The following JPH4 variants were observed in gnomAD, a reference collection of about 807,000 sequenced individuals.
JPH4 encodes the protein junctophilin-4.
JPH4 carries 18 observed loss-of-function variants against 57.6 expected under a neutral mutation model. The observed-to-expected ratio is 0.31, with a 90% CI of 0.22 to 0.46. The LOEUF is 0.46. Ranked by LOEUF, JPH4 falls within the 20% of genes least tolerant of loss-of-function variation. The pLI is 1.00. For synonymous variants in JPH4, 425 were observed against 406.6 expected, an observed-to-expected ratio of 1.05 and a Z score of -0.54; for missense variants, 727 against 911.1, an observed-to-expected ratio of 0.80 and a Z score of 2.60.
intron 3 of JPH4, chr14:23,572,840 G>A (rs1445963979): frequency 2.8e-6 from 2 of 702,236 alleles, no homozygotes; most frequent in Admixed American, 2.0e-5. Flanking sequence ...CACCTTCCCT[G>A]CTCCTTAGGT....
chr14:23,576,483 A>G lies in JPH4; in HGVS notation c.380-27T>C. 7.2e-7 allele frequency: 1 copy of G among 1,389,438 alleles called. No homozygotes were observed. Among genetic ancestry groups the G allele is most frequent in the Non-Finnish European group, 9.3e-7 (1 of 1,080,690 alleles). The allele number at this position is 1,389,438 out of a possible 1,614,324, so 86.1% of individuals were successfully genotyped here. On this transcript the variant is annotated intron_variant, in intron 2 of 5. Transcript: ENST00000356300. The surrounding 1 kb of genome is among the most constrained non-coding windows in gnomAD (Gnocchi z 8.0). ...TGCGGGCGGCGGAGGGGTGGGAGAA[A>G]GAGTCAGGACGTGCCGCTGGGCTCC...
chr14:23,569,624 G>C lies in JPH4; in HGVS notation c.*10C>G, dbSNP rs1263297165. On this transcript the variant is annotated 3_prime_UTR_variant, in exon 6 of 6. Transcript: ENST00000356300. This position sits in a 1 kb window ranked among gnomAD's most constrained non-coding sequence, Gnocchi z 4.8. ...CGCAACCAAAGCCAGAACCAGGCCA[G>C]GAAGTAGCCTCAGGTGAGGAGCTGG... The C allele has an allele frequency of 5.8e-6, 9 of 1,550,098 alleles. No individual in the cohort carries two copies. In the African/African-American group the frequency reaches 6.8e-5, roughly 12 times the overall value.
At position 23,571,143 on chromosome 14, in the gene JPH4, G is replaced by C; in HGVS notation, c.1588C>G (p.Pro530Ala). The change falls in exon 5 of 6, where the codon CCA becomes GCA. Residue 530 changes from proline (P) to alanine (A), a missense_variant. Physicochemically the swap from Pro to Ala is conservative, Grantham distance 27. Around this residue, in one of 7 missense-constraint regions of JPH4, gnomAD observed 293 missense variants for 279.8 expected, o/e 1.05. Transcript: ENST00000356300. The surrounding 1 kb of genome is among the most constrained non-coding windows in gnomAD (Gnocchi z 4.6). ...MQGPGPRDGS[P>A]LLGGCSDSSG... ...CTGTCGCTGCAGCCTCCGAGGAGTG[G>C]GGAACCGTCTCTGGGCCCTGGCCCT... The C allele has an allele frequency of 6.8e-6, 11 of 1,614,104 alleles. No homozygotes were observed. Among genetic ancestry groups the C allele is most frequent in the Non-Finnish European group, 9.3e-6 (11 of 1,180,004 alleles).
In JPH4 at chr14:23,571,807, G is replaced by A; in HGVS notation, c.1265C>T (p.Ala422Val). Residue 422 changes from alanine (A) to valine (V), a missense_variant, in exon 4 of 6, where the codon GCC becomes GTC. Physicochemically the swap from Ala to Val is moderately conservative, Grantham distance 64 (BLOSUM62 0). Transcript: ENST00000356300. This position sits in a 1 kb window ranked among gnomAD's most constrained non-coding sequence, Gnocchi z 4.6. ...IAQDLQPMLE[A>V]PGRRPRQDSE... ...CCCAGCTGTCCATGCCTCACCTGGG[G>A]CCTCTAGCATGGGCTGCAGGTCCTG... 9 of 1,612,070 alleles carry A rather than the reference G, an allele frequency of 5.6e-6. No homozygotes were observed. The highest frequency in any genetic ancestry group is 7.6e-6 in the Non-Finnish European group (9 of 1,179,618).
intron 3 of JPH4, among the ~76,000 whole-genome samples, chr14:23,572,671 C>A (rs1171468822): frequency 1.3e-5 from 2 of 152,136 alleles, no homozygotes; most frequent in Admixed American, 1.3e-4. Context: ...CCCCACTGCC[C>A]CCCGTCATGC....
In JPH4 at chr14:23,576,360, CG is replaced by C; in HGVS notation, c.475del (p.Arg159AlafsTer90). ...YHQAALLRSP[R>X]RTSLDSGHSD... ...GTGGCCGGAATCCAGGGAGGTGCGG[CG>C]GGGCGAGCGCAGCAGCGCCGCCTGA... On this transcript the variant is annotated frameshift_variant, in exon 3 of 6. Coordinates refer to ENST00000356300, the MANE Select transcript of JPH4 (RefSeq NM_001146028.2). LOFTEE classifies it high-confidence loss of function. The surrounding 1 kb of genome is among the most constrained non-coding windows in gnomAD (Gnocchi z 8.0). The C allele has an allele frequency of 1.5e-6, 2 of 1,335,126 alleles. No individual in the cohort carries two copies. Among genetic ancestry groups the C allele is most frequent in the Non-Finnish European group, 1.9e-6 (2 of 1,047,104 alleles). The allele number at this position is 1,335,126 out of a possible 1,614,324, so 82.7% of individuals were successfully genotyped here.
Position 23,575,801 on chromosome 14 carries a change from A to G in JPH4, c.1035T>C (p.Ser345=), listed in dbSNP as rs752221836. The G allele has an allele frequency of 1.7e-5, 27 of 1,586,666 alleles. No individual in the cohort carries two copies. In the Admixed American group the frequency reaches 1.8e-4, roughly 10 times the overall value. Residue 345 remains serine, a synonymous_variant, in exon 3 of 6, where the codon AGT becomes AGC. Coordinates refer to ENST00000356300, the MANE Select transcript of JPH4 (RefSeq NM_001146028.2). The surrounding 1 kb of genome is among the most constrained non-coding windows in gnomAD (Gnocchi z 6.9). Reference sequence around the variant, plus strand: ...CCCGCCGAAGGGCCAGAGGCAGGAGACTGCGGACGCGCCCGCCGTGCACCA... The same window carrying G: ...CCCGCCGAAGGGCCAGAGGCAGGAGGCTGCGGACGCGCCCGCCGTGCACCA... ...NRLVHGGRVR[S]LLPLALRRGK...
intron 1 of JPH4, 101 bp downstream of exon 1, chr14:23,578,074 TTTTTC>T (rs1889320593): frequency 1.1e-5 from 1 of 93,816 alleles, no homozygotes; most frequent in African/African-American, 4.0e-5. Context: ...TTTCGGGGGG[TTTTTC>T]GGGGGGTTTT....
chr14:23,577,282 C>G lies in JPH4; in HGVS notation c.172G>C (p.Gly58Arg). 1 of 1,536,634 alleles carries G rather than the reference C, an allele frequency of 6.5e-7. No individual in the cohort carries two copies. The change falls in exon 2 of 6, where the codon GGA becomes CGA. Residue 58 changes from glycine to arginine, a missense_variant. Around this residue, in one of 7 missense-constraint regions of JPH4, gnomAD observed 83 missense variants for 135.4 expected, o/e 0.61. Transcript: ENST00000356300. The surrounding 1 kb of genome is among the most constrained non-coding windows in gnomAD (Gnocchi z 8.4). The part of the protein sequence containing the change: ...ESLGVFTGPG[G>R]HSYQGHWQQG... ...TGCCAGTGGCCCTGGTAGCTGTGTC[C>G]GCCGGGCCCCGTGAAGACGCCCAGT...
rs1045445027 is a variant in JPH4 at position 23,575,780 on chromosome 14, C to T, written c.1056G>A (p.Arg352=). ...CCACCTTCTCCTTAACCTTGCCCCG[C>T]CGAAGGGCCAGAGGCAGGAGACTGC... is the stretch of plus-strand genomic sequence containing the variant. ...RVRSLLPLAL[R]RGKVKEKVDR... The change falls in exon 3 of 6, where the codon CGG becomes CGA. Residue 352 remains arginine, a synonymous_variant. Coordinates refer to ENST00000356300, the MANE Select transcript of JPH4 (RefSeq NM_001146028.2). The surrounding 1 kb of genome is among the most constrained non-coding windows in gnomAD (Gnocchi z 6.9). 3.1e-6 allele frequency: 5 copies of T among 1,597,124 alleles called. No individual in the cohort carries two copies. The highest frequency in any genetic ancestry group is 4.3e-6 in the Non-Finnish European group (5 of 1,173,476).
rs1316048235 is a variant in JPH4 at position 23,576,053 on chromosome 14, C to T, written c.783G>A (p.Glu261=). ...EVGSTGPPGS[E]ASGPPAAAPP... is the part of the protein sequence containing the mutation. Reference sequence around the variant, plus strand: ...GCGCTGCGGCCGGGGGCCCGCTGGCCTCCGAGCCGGGCGGTCCGGTGCTGC... The same window carrying T: ...GCGCTGCGGCCGGGGGCCCGCTGGCTTCCGAGCCGGGCGGTCCGGTGCTGC... The change falls in exon 3 of 6, where the codon GAG becomes GAA. Residue 261 remains glutamate (E), a synonymous_variant. Coordinates refer to ENST00000356300, the MANE Select transcript of JPH4 (RefSeq NM_001146028.2). This position sits in a 1 kb window ranked among gnomAD's most constrained non-coding sequence, Gnocchi z 8.0. The T allele has an allele frequency of 1.5e-6, 2 of 1,319,214 alleles. No homozygotes were observed. Among genetic ancestry groups the T allele is most frequent in the Admixed American group, 4.2e-5 (1 of 24,020 alleles). The allele number at this position is 1,319,214 out of a possible 1,614,324, so 81.7% of individuals were successfully genotyped here.
rs1889249347 is a variant in JPH4, at chr14:23,575,555, C to T, written c.1151+130G>A. 8.1e-7 allele frequency: 1 copy of T among 1,234,238 alleles called. No individual in the cohort carries two copies. Among genetic ancestry groups the T allele is most frequent in the African/African-American group, 1.5e-5 (1 of 66,158 alleles). 76.5% of individuals were successfully genotyped at this position (1,234,238 alleles called of 1,614,324 possible). On this transcript the variant is annotated intron_variant, in intron 3 of 5. Transcript: ENST00000356300. This position sits in a 1 kb window ranked among gnomAD's most constrained non-coding sequence, Gnocchi z 6.9. The stretch of plus-strand genomic sequence containing the variant: ...CAAGAATGCCCAGGGGTCCAACTGC[C>T]TGGCCTTAGGCTTGCAATAGCAGGC...
rs1336346439 is a variant in JPH4 at position 23,569,508 on chromosome 14, AAAAG to A, written c.*122_*125del. The A allele has an allele frequency of 9.9e-6, 7 of 709,970 alleles. No homozygotes were observed. The highest frequency in any genetic ancestry group is 2.4e-5 in the Admixed American group (1 of 41,732). The allele number at this position is 709,970 out of a possible 1,614,324, so 44.0% of individuals were successfully genotyped here. A position where few individuals can be genotyped will look rare whatever the true frequency, so the allele number is the denominator to read the frequency against. On this transcript the variant is annotated 3_prime_UTR_variant, in exon 6 of 6. Transcript: ENST00000356300. This position sits in a 1 kb window ranked among gnomAD's most constrained non-coding sequence, Gnocchi z 4.8. ...GAGAGAAAAAAACAAAGGAGCACAG[AAAAG>A]AAAGGAAGAAGAGAAAGAAAGATAG... is the stretch of plus-strand genomic sequence containing the variant.
rs1889125629 is a variant in JPH4 at position 23,571,067 on chromosome 14, G to C, written c.1664C>G (p.Pro555Arg). Residue 555 changes from proline to arginine, a missense_variant, in exon 5 of 6, where the codon CCG (proline) becomes CGG (arginine). Physicochemically the swap from Pro to Arg is moderately radical, Grantham distance 103. This residue lies in a region of JPH4 where 293 missense variants were observed against 279.8 expected (regional missense o/e 1.05). Coordinates refer to ENST00000356300, the MANE Select transcript of JPH4 (RefSeq NM_001146028.2). The surrounding 1 kb of genome is among the most constrained non-coding windows in gnomAD (Gnocchi z 4.6). ...CTCCGTGCCTGCTGGGGCCCTCAGC[G>C]GGGGCAGGGGCTCTTCATCCTCCCC... is the stretch of plus-strand genomic sequence containing the variant. ...EEGEDEEPLP[P>R]LRAPAGTEPE... 6.2e-7 allele frequency: 1 copy of C among 1,611,748 alleles called. No individual in the cohort carries two copies. Among genetic ancestry groups the C allele is most frequent in the South Asian group, 1.1e-5 (1 of 90,756 alleles).
At chr14:23,573,068 A>G in intron 3 of JPH4, 1 of 650,728 alleles carries the variant, frequency 1.5e-6, no homozygotes, top group East Asian at 2.7e-5. Flanking sequence ...TGAATTGATC[A>G]CACCCCATGA....
chr14:23,577,532 C>T lies in JPH4; in HGVS notation c.-79G>A, dbSNP rs577591004. ...GGAGAGCCTGCTGGGGGCCTTGGAG[C>T]CGGGCGAGGCCTCGGGGCGGGGGCA... On this transcript the variant is annotated 5_prime_UTR_variant, in exon 2 of 6. Transcript: ENST00000356300. The surrounding 1 kb of genome is among the most constrained non-coding windows in gnomAD (Gnocchi z 8.4). 3.2e-5 allele frequency: 40 copies of T among 1,241,182 alleles called. No individual in the cohort carries two copies. The South Asian group carries it at 7.1e-4, about 22-fold the overall frequency. 76.9% of individuals were successfully genotyped at this position (1,241,182 alleles called of 1,614,324 possible).
chr14:23,576,498 C>A lies in JPH4; in HGVS notation c.380-42G>T. The A allele has an allele frequency of 1.5e-6, 2 of 1,353,212 alleles. No individual in the cohort carries two copies. Among genetic ancestry groups the A allele is most frequent in the East Asian group, 3.0e-5 (1 of 32,956 alleles). 83.8% of individuals were successfully genotyped at this position (1,353,212 alleles called of 1,614,324 possible). ...GGTGGGAGAAAGAGTCAGGACGTGC[C>A]GCTGGGCTCCTTGCGCCCCAAGTCC... is the stretch of plus-strand genomic sequence containing the variant. On this transcript the variant is annotated intron_variant, in intron 2 of 5. Transcript: ENST00000356300. The surrounding 1 kb of genome is among the most constrained non-coding windows in gnomAD (Gnocchi z 8.0).
rs1222682788 is a variant in JPH4 at position 23,575,629 on chromosome 14, T to C, written c.1151+56A>G. ...CCCTTAGGCACACCCGCCTTCCTGGTCCCCAGCGCACCCCCTCCTCTTAGC... is the reference window on the plus strand; with the variant it reads ...CCCTTAGGCACACCCGCCTTCCTGGCCCCCAGCGCACCCCCTCCTCTTAGC... On this transcript the variant is annotated intron_variant, in intron 3 of 5. Transcript: ENST00000356300. The surrounding 1 kb of genome is among the most constrained non-coding windows in gnomAD (Gnocchi z 6.9). 6.4e-7 allele frequency: 1 copy of C among 1,550,826 alleles called. No individual in the cohort carries two copies. Among genetic ancestry groups the C allele is most frequent in the Non-Finnish European group, 8.7e-7 (1 of 1,151,690 alleles).
chr14:23,575,810 G>C lies in JPH4; in HGVS notation c.1026C>G (p.Arg342=). The C allele has an allele frequency of 6.3e-7, 1 of 1,579,350 alleles. No homozygotes were observed. The highest frequency in any genetic ancestry group is 8.6e-7 in the Non-Finnish European group (1 of 1,165,230). The change falls in exon 3 of 6, where the codon CGC becomes CGG. Residue 342 remains arginine, a synonymous_variant. Coordinates refer to ENST00000356300, the MANE Select transcript of JPH4 (RefSeq NM_001146028.2). The surrounding 1 kb of genome is among the most constrained non-coding windows in gnomAD (Gnocchi z 6.9). ...YKRNRLVHGG[R]VRSLLPLALR... is the part of the protein sequence containing the mutation. ...GGGCCAGAGGCAGGAGACTGCGGAC[G>C]CGCCCGCCGTGCACCAGCCGGTTGC...
Sources: gnomAD v4.1 joint callset for allele counts (sites outside exome capture counted in the v4.1 genomes callset) on GRCh38, gnomAD v4.1.1 for gene constraint, gnomAD v4.1.1 regional missense constraint, Gnocchi (gnomAD v3.1) non-coding constraint, MANE v1.5 for transcripts, NCBI Gene and HGNC (gene_info 2026-07-23, HGNC 2026-07-21) for gene names.